Variants in CCDC141 observed in about 807,000 individuals in gnomAD.
CCDC141 encodes the protein coiled-coil domain-containing protein 141.
A neutral mutation model predicts 181.0 loss-of-function variants in CCDC141; 168 were observed. The observed-to-expected ratio is 0.93, with a 90% CI of 0.82 to 1.05. CCDC141 has a LOEUF of 1.05. CCDC141 is among the 50% of genes least tolerant of loss of function. The probability of loss-of-function intolerance (pLI) is 0.00; values close to 1 mark genes in which losing one functional copy is unlikely to be tolerated. For missense variants in CCDC141, 1,902 were observed against 1,788.5 expected, an observed-to-expected ratio of 1.06 and a Z score of -1.14; for synonymous variants, 666 against 642.3, an observed-to-expected ratio of 1.04 and a Z score of -0.56.
chr2:179,042,596 C>A (rs534309707), intron 2 of CCDC141, among the ~76,000 whole-genome samples: 56 of 152,332 alleles, frequency 3.7e-4, no homozygotes, highest in African/African-American at 1.3e-3. Flanking sequence ...GATCCACCCA[C>A]CTTGGCCTGC....
At chr2:178,925,796 C>T (rs1688887272) in intron 6 of CCDC141, among the ~76,000 whole-genome samples, 1 of 152,088 alleles carries the variant, frequency 6.6e-6, no homozygotes, top group Admixed American at 6.5e-5. Context: ...GTGCCATGGA[C>T]TGACCAGGTG....
At chr2:179,030,117 C>T (rs1012948097) in intron 2 of CCDC141, among the ~76,000 whole-genome samples, 11 of 151,994 alleles carry the variant, frequency 7.2e-5, no homozygotes, top group Non-Finnish European at 1.6e-4. Flanking sequence ...ATATATATCT[C>T]CCCCTTTGCT....
At chr2:178,991,982 A>T (rs954313428) in intron 2 of CCDC141, among the ~76,000 whole-genome samples, 8 of 152,050 alleles carry the variant, frequency 5.3e-5, no homozygotes, top group Admixed American at 3.3e-4. Context: ...TCTTATCATC[A>T]TCTGCCTCAT....
intron 6 of CCDC141, among the ~76,000 whole-genome samples, chr2:178,928,505 C>T (rs529479972): frequency 3.3e-5 from 5 of 151,958 alleles, no homozygotes; most frequent in Non-Finnish European, 7.4e-5. Flanking sequence ...ATAGTATTAA[C>T]TGTAAAAAGC....
chr2:178,914,845 A>G (rs1688371852), intron 7 of CCDC141, among the ~76,000 whole-genome samples: 1 of 152,162 alleles, frequency 6.6e-6, no homozygotes. Context: ...TTTCTAGTAA[A>G]TAATAATATC....
At chr2:178,900,170 T>A (rs1483984413) in intron 8 of CCDC141, among the ~76,000 whole-genome samples, 1 of 152,168 alleles carries the variant, frequency 6.6e-6, no homozygotes, top group Non-Finnish European at 1.5e-5. Context: ...ACCATATTGC[T>A]AATGATTTTC....
At chr2:178,844,611 T>C (rs1011843679) in intron 22 of CCDC141, among the ~76,000 whole-genome samples, 2 of 152,190 alleles carry the variant, frequency 1.3e-5, no homozygotes, top group Non-Finnish European at 2.9e-5. Flanking sequence ...TTAACACTAC[T>C]TGCTGCCTGC....
intron 9 of CCDC141, 70 bp downstream of exon 9, chr2:178,888,457 C>A (rs372540653): frequency 1.0e-5 from 15 of 1,429,120 alleles, no homozygotes; most frequent in Non-Finnish European, 1.4e-5. Flanking sequence ...CCCGCCATGC[C>A]CACATACTGC....
chr2:178,828,878 T>C (rs1321378918), downstream of CCDC141, among the ~76,000 whole-genome samples: 2 of 152,178 alleles, frequency 1.3e-5, no homozygotes, highest in African/African-American at 4.8e-5. Flanking sequence ...TTAAAATGCA[T>C]ACATAAGATA....
At chr2:178,894,710 C>T (rs1169640990) in intron 8 of CCDC141, among the ~76,000 whole-genome samples, 1 of 151,532 alleles carries the variant, frequency 6.6e-6, no homozygotes, top group Non-Finnish European at 1.5e-5. Context: ...ATGGAGAGTG[C>T]AACACAGAGA....
At chr2:179,001,338 G>A (rs1484986313) in intron 2 of CCDC141, among the ~76,000 whole-genome samples, 1 of 152,198 alleles carries the variant, frequency 6.6e-6, no homozygotes, top group African/African-American at 2.4e-5. Flanking sequence ...GAAGAAAGGA[G>A]TGTAGTCTTG....
In CCDC141 at chr2:178,865,951, G is replaced by C. The variant is rs560138257; in HGVS notation, c.2575-35C>G. On this transcript the variant is annotated intron_variant, in intron 16 of 23. Coordinates refer to ENST00000443758, the MANE Select transcript of CCDC141 (RefSeq NM_173648.4). ...ACAAATGGTGGTAACAGAGAGAAAG[G>C]ACGAAACAGCAATAAGACGAGTAGG... is the stretch of plus-strand genomic sequence containing the variant. The C allele has an allele frequency of 2.9e-6, 4 of 1,402,610 alleles. No homozygotes were observed. The South Asian group carries it at 7.2e-5, about 25-fold the overall frequency. The allele number at this position is 1,402,610 out of a possible 1,614,324, so 86.9% of individuals were successfully genotyped here.
intron 4 of CCDC141, among the ~76,000 whole-genome samples, chr2:178,967,578 C>G (rs2154379604): frequency 6.6e-6 from 1 of 152,288 alleles, no homozygotes; most frequent in Admixed American, 6.5e-5. Context: ...CTTACAAGAG[C>G]TCCTGAAGGA....
At chr2:179,020,296 C>T (rs1460921042) in intron 2 of CCDC141, among the ~76,000 whole-genome samples, 1 of 152,136 alleles carries the variant, frequency 6.6e-6, no homozygotes, top group African/African-American at 2.4e-5. Flanking sequence ...AGTCCCCACA[C>T]TCCTATCCAG....
intron 8 of CCDC141, among the ~76,000 whole-genome samples, chr2:178,890,065 T>A (rs1687074059): frequency 6.6e-6 from 1 of 152,126 alleles, no homozygotes; most frequent in African/African-American, 2.4e-5. Context: ...CCAAGTTTTC[T>A]GCAGAATATG....
chr2:178,850,544 T>C (rs935271854), intron 20 of CCDC141, among the ~76,000 whole-genome samples: 1 of 152,158 alleles, frequency 6.6e-6, no homozygotes, highest in Non-Finnish European at 1.5e-5. Flanking sequence ...CTCTCCCAAA[T>C]GTATGTCACT....
intron 2 of CCDC141, among the ~76,000 whole-genome samples, chr2:179,028,118 A>G (rs2042906259): frequency 2.0e-5 from 3 of 152,142 alleles, no homozygotes; most frequent in East Asian, 1.9e-4. Flanking sequence ...CAATTCCACT[A>G]TGAGCACTGG....
At chr2:179,019,493 C>T (rs16866599) in intron 2 of CCDC141, among the ~76,000 whole-genome samples, 5,976 of 152,076 alleles carry the variant, frequency 0.039, 143 homozygotes, top group Middle Eastern at 0.12. Context: ...AGTTTAATGA[C>T]GTAATATTTA....
At chr2:179,008,415 G>A (rs879779229) in intron 2 of CCDC141, among the ~76,000 whole-genome samples, 5 of 152,098 alleles carry the variant, frequency 3.3e-5, no homozygotes, top group Non-Finnish European at 5.9e-5. Context: ...AGGTGTCACG[G>A]GCACTGAGCA....
Sources: allele counts gnomAD v4.1 joint callset (sites outside exome capture counted in the v4.1 genomes callset), GRCh38; gene constraint gnomAD v4.1.1; transcripts MANE v1.5; gene names NCBI Gene and HGNC (gene_info 2026-07-23, HGNC 2026-07-21).